Variants in LDLRAD3 observed in about 807,000 individuals in gnomAD.
LDLRAD3 encodes low-density lipoprotein receptor class A domain-containing protein 3.
Under a neutral mutation model 29.4 loss-of-function variants are expected in LDLRAD3, and 20 were observed. That is an observed-to-expected ratio of 0.68 (90% CI 0.48 to 0.99). LDLRAD3 has a LOEUF of 0.99. LDLRAD3 is among the 50% of genes least tolerant of loss of function. LDLRAD3 has a pLI of 0.00. For missense variants in LDLRAD3, 420 were observed against 454.3 expected, an observed-to-expected ratio of 0.92 and a Z score of 0.69; for synonymous variants, 157 against 192.7, an observed-to-expected ratio of 0.81 and a Z score of 1.53.
rs1414135520 is a variant in LDLRAD3 at position 36,213,766 on chromosome 11, C to G, written c.455-13319C>G. Among the ~76,000 whole-genome samples, 2 of 152,220 alleles carry G rather than the reference C, an allele frequency of 1.3e-5. No individual in the cohort carries two copies. Among genetic ancestry groups the G allele is most frequent in the Non-Finnish European group, 2.9e-5 (2 of 68,042 alleles). ...TGAATTGTGGACCCAGCCAGACTCC[C>G]CTCCATCGCATCACAGCTTGGAGGC... is the stretch of plus-strand genomic sequence containing the variant. On this transcript the variant is annotated intron_variant, in intron 4 of 5. Transcript: ENST00000315571. The surrounding 1 kb of genome is among the most constrained non-coding windows in gnomAD (Gnocchi z 4.1).
At chr11:36,139,167 C>T (rs1406644009) in intron 4 of LDLRAD3, among the ~76,000 whole-genome samples, 1 of 152,194 alleles carries the variant, frequency 6.6e-6, no homozygotes, top group Non-Finnish European at 1.5e-5. Context: ...AGAATGTTAG[C>T]CAGCATCTCT....
intron 4 of LDLRAD3, among the ~76,000 whole-genome samples, chr11:36,195,674 A>G (rs1400281416): frequency 1.3e-5 from 2 of 152,192 alleles, no homozygotes; most frequent in African/African-American, 4.8e-5. Flanking sequence ...GTGCCTGTGT[A>G]TATTTGTTCA....
chr11:36,030,289 C>T (rs1363198010), intron 1 of LDLRAD3, among the ~76,000 whole-genome samples: 1 of 152,212 alleles, frequency 6.6e-6, no homozygotes, highest in Non-Finnish European at 1.5e-5. Context: ...GGGAAGTGCA[C>T]AGGACAGATG....
chr11:36,105,968 G>C (rs1374947778), intron 4 of LDLRAD3, among the ~76,000 whole-genome samples: 1 of 152,210 alleles, frequency 6.6e-6, no homozygotes, highest in Non-Finnish European at 1.5e-5. Context: ...GCCAGAGAGT[G>C]ATCAGAGTAG....
chr11:36,111,126 G>A (rs2133286850), intron 4 of LDLRAD3, among the ~76,000 whole-genome samples: 1 of 152,236 alleles, frequency 6.6e-6, no homozygotes, highest in South Asian at 2.1e-4. Context: ...GGAGACAGAG[G>A]AAGAAACCCA....
intron 3 of LDLRAD3, among the ~76,000 whole-genome samples, chr11:36,091,218 TGG>T (rs1853275594): frequency 6.6e-6 from 1 of 152,144 alleles, no homozygotes; most frequent in African/African-American, 2.4e-5. Flanking sequence ...ATGGGAATTG[TGG>T]GGGCTAATGA....
chr11:36,000,289 A>T (rs945224746), intron 1 of LDLRAD3, among the ~76,000 whole-genome samples: 5 of 149,150 alleles, frequency 3.4e-5, no homozygotes, highest in African/African-American at 1.2e-4. Context: ...AATATATAAC[A>T]TATATAATAT....
At chr11:36,134,527 T>A (rs1463461665) in intron 4 of LDLRAD3, among the ~76,000 whole-genome samples, 3 of 152,178 alleles carry the variant, frequency 2.0e-5, no homozygotes, top group Non-Finnish European at 2.9e-5. Context: ...ATTTTACATA[T>A]CATCTTAACA....
In LDLRAD3 at chr11:36,175,046, T is replaced by C. The variant is rs551134768; in HGVS notation, c.455-52039T>C. ...TAAAAAGTCAGGAAACAACAGGTGCTGGAGAGGATGTGGAGAAATACGAAC... is the reference window on the plus strand; with the variant it reads ...TAAAAAGTCAGGAAACAACAGGTGCCGGAGAGGATGTGGAGAAATACGAAC... On this transcript the variant is annotated intron_variant, in intron 4 of 5. Coordinates refer to ENST00000315571, the MANE Select transcript of LDLRAD3 (RefSeq NM_174902.4). Among the ~76,000 whole-genome samples, 171 of 152,154 alleles carry C rather than the reference T, an allele frequency of 1.1e-3. 1 individual carries two copies. The highest frequency in any genetic ancestry group is 1.7e-3 in the Non-Finnish European group (119 of 68,018).
intron 3 of LDLRAD3, among the ~76,000 whole-genome samples, chr11:36,093,575 G>C (rs940291341): frequency 6.6e-6 from 1 of 152,120 alleles, no homozygotes; most frequent in Non-Finnish European, 1.5e-5. Flanking sequence ...TGCCAGTCAG[G>C]TACCTCCACA....
intron 2 of LDLRAD3, among the ~76,000 whole-genome samples, chr11:36,044,128 C>T (rs568121789): frequency 1.3e-5 from 2 of 152,222 alleles, no homozygotes; most frequent in African/African-American, 2.4e-5. Flanking sequence ...GAGTTCTTCC[C>T]CCAGCTTCCA....
rs561847069 is a variant in LDLRAD3, at chr11:36,213,171, G to A, written c.455-13914G>A. On this transcript the variant is annotated intron_variant, in intron 4 of 5. Transcript: ENST00000315571. This position sits in a 1 kb window ranked among gnomAD's most constrained non-coding sequence, Gnocchi z 4.1. ...TTAATCCTCGGGCACTTGTCTCCCA[G>A]CTCTCAATGGTCCTGGTTCCCAGCA... is the stretch of plus-strand genomic sequence containing the variant. Among the ~76,000 whole-genome samples, 1 of 150,848 alleles carries A rather than the reference G, an allele frequency of 6.6e-6. No individual in the cohort carries two copies. The highest frequency in any genetic ancestry group is 2.4e-5 in the African/African-American group (1 of 41,014).
At chr11:36,039,543 A>G (rs1177444880) in intron 2 of LDLRAD3, among the ~76,000 whole-genome samples, 5 of 151,574 alleles carry the variant, frequency 3.3e-5, no homozygotes, top group African/African-American at 1.2e-4. Context: ...AGCACGCAGC[A>G]CAGTGCCTGT....
At chr11:36,191,664 A>G (rs916269903) in intron 4 of LDLRAD3, among the ~76,000 whole-genome samples, 11 of 149,022 alleles carry the variant, frequency 7.4e-5, no homozygotes, top group Middle Eastern at 3.4e-3. Context: ...TAGAATACTT[A>G]ATGTATTTGA....
At chr11:36,145,123 C>G (rs1235045131) in intron 4 of LDLRAD3, among the ~76,000 whole-genome samples, 1 of 112,684 alleles carries the variant, frequency 8.9e-6, no homozygotes, top group Non-Finnish European at 1.8e-5. Context: ...GTCAGCCCCC[C>G]GCCCGGCCAG....
intron 1 of LDLRAD3, among the ~76,000 whole-genome samples, chr11:35,946,654 A>T (rs1360621297): frequency 6.6e-6 from 1 of 152,140 alleles, no homozygotes; most frequent in East Asian, 1.9e-4. Context: ...GCCATGCTGG[A>T]TGATGGTCCA....
intron 4 of LDLRAD3, among the ~76,000 whole-genome samples, chr11:36,150,101 G>A (rs1854256583): frequency 1.3e-5 from 2 of 152,156 alleles, no homozygotes; most frequent in Non-Finnish European, 2.9e-5. Flanking sequence ...TTTACCTGGG[G>A]ACTGTGTGGT....
At chr11:36,049,116 A>G (rs1446570856) in intron 2 of LDLRAD3, among the ~76,000 whole-genome samples, 1 of 152,154 alleles carries the variant, frequency 6.6e-6, no homozygotes, top group Non-Finnish European at 1.5e-5. Context: ...GCATGCTCTC[A>G]TTGCCAGGAC....
chr11:36,166,377 G>C (rs1315136947), intron 4 of LDLRAD3, among the ~76,000 whole-genome samples: 1 of 152,190 alleles, frequency 6.6e-6, no homozygotes, highest in Non-Finnish European at 1.5e-5. Context: ...CATGGAAGGG[G>C]GAAAGGTGAC....
Sources: allele counts gnomAD v4.1 joint callset (sites outside exome capture counted in the v4.1 genomes callset), GRCh38; gene constraint gnomAD v4.1.1; non-coding constraint Gnocchi (gnomAD v3.1); transcripts MANE v1.5; gene names NCBI Gene and HGNC (gene_info 2026-07-23, HGNC 2026-07-21).